KCNIP4: variants seen among roughly 807,000 people sequenced by gnomAD.
KCNIP4 encodes Kv channel-interacting protein 4.
In KCNIP4, 12 loss-of-function variants were observed where a neutral mutation model predicts 34.0. That is an observed-to-expected ratio of 0.35 (90% confidence interval 0.23 to 0.57). The LOEUF is 0.57. KCNIP4 is among the 20% of genes least tolerant of loss of function. The probability of loss-of-function intolerance (pLI) is 0.83; values close to 1 mark genes in which losing one functional copy is unlikely to be tolerated. For missense variants in KCNIP4, 238 were observed against 311.7 expected (o/e 0.76, Z 1.78); for synonymous variants, 124 against 102.2 (o/e 1.21, Z -1.29).
At chr4:21,892,305 C>T (rs910273224) in intron 1 of KCNIP4, among the ~76,000 whole-genome samples, 2 of 146,568 alleles carry the variant, frequency 1.4e-5, no homozygotes, top group African/African-American at 5.2e-5. Flanking sequence ...TATTAGGTGA[C>T]TCGATTTATC....
intron 1 of KCNIP4, among the ~76,000 whole-genome samples, chr4:21,481,098 G>T (rs541536305): frequency 3.2e-4 from 49 of 152,262 alleles, no homozygotes; most frequent in African/African-American, 1.1e-3. Flanking sequence ...TAACACAACG[G>T]TTATCTGGAA....
intron 1 of KCNIP4, among the ~76,000 whole-genome samples, chr4:21,837,321 G>A (rs990156376): frequency 6.7e-6 from 1 of 150,340 alleles, no homozygotes; most frequent in Non-Finnish European, 1.5e-5. Flanking sequence ...ATCACCTGAG[G>A]TCAGGAGTTC....
chr4:21,600,920 G>C (rs1743072523), intron 1 of KCNIP4, among the ~76,000 whole-genome samples: 1 of 151,692 alleles, frequency 6.6e-6, no homozygotes. Flanking sequence ...ATCCCACAAA[G>C]ACACCAAATC....
At chr4:21,761,853 C>G (rs924716232) in intron 1 of KCNIP4, among the ~76,000 whole-genome samples, 2 of 152,014 alleles carry the variant, frequency 1.3e-5, no homozygotes, top group Non-Finnish European at 1.5e-5. Context: ...TGATGCGGAA[C>G]AGGAAGTCCT....
At chr4:21,371,321 G>A (rs1453003340) in intron 1 of KCNIP4, among the ~76,000 whole-genome samples, 2 of 146,528 alleles carry the variant, frequency 1.4e-5, no homozygotes, top group Non-Finnish European at 2.9e-5. Flanking sequence ...TAGGCAAGAA[G>A]GTCAACAGTA....
At chr4:21,472,704 G>T (rs144705097) in intron 1 of KCNIP4, among the ~76,000 whole-genome samples, 2 of 152,092 alleles carry the variant, frequency 1.3e-5, no homozygotes, top group African/African-American at 4.8e-5. Context: ...CGCAGTTCAG[G>T]TTATCGGTAA....
chr4:21,716,402 C>T (rs1714382833), intron 1 of KCNIP4, among the ~76,000 whole-genome samples: 1 of 151,828 alleles, frequency 6.6e-6, no homozygotes. Context: ...GTATCTGGCT[C>T]ATTTTTTGTA....
chr4:21,532,105 A>C (rs1463381623), intron 1 of KCNIP4, among the ~76,000 whole-genome samples: 1 of 152,138 alleles, frequency 6.6e-6, no homozygotes, highest in Non-Finnish European at 1.5e-5. Context: ...GTCTTGGAAC[A>C]CTTAACTGCA....
chr4:20,986,971 CT>C (rs1338951960), intron 1 of KCNIP4, among the ~76,000 whole-genome samples: 1 of 152,150 alleles, frequency 6.6e-6, no homozygotes, highest in Admixed American at 6.5e-5. Flanking sequence ...ATCGAATCTG[CT>C]GGCTCCCAAG....
chr4:21,504,475 A>AAAAAAAAAAAAAAAAAGAAAGAAAG (rs1264431211), intron 1 of KCNIP4, among the ~76,000 whole-genome samples: 44 of 101,846 alleles, frequency 4.3e-4, no homozygotes, highest in African/African-American at 1.6e-3. Context: ...CAAAAAAAAA[A>AAAAAAAAAAAAAAAAAGAAAGAAAG]AAAGAAAGAA....
chr4:20,944,431 C>T (rs1167862690), intron 1 of KCNIP4, among the ~76,000 whole-genome samples: 1 of 152,204 alleles, frequency 6.6e-6, no homozygotes, highest in Admixed American at 6.5e-5. Flanking sequence ...TGATTACACA[C>T]CCCTCCATGA....
At chr4:21,304,069 CAGAGAG>C (rs1276234904) in intron 1 of KCNIP4, 6 of 138,114 alleles carry the variant, frequency 4.3e-5, no homozygotes, top group Non-Finnish European at 6.8e-5. Context: ...GAGAGAGAGA[CAGAGAG>C]AGAGAGAGAG....
intron 1 of KCNIP4, among the ~76,000 whole-genome samples, chr4:21,387,885 G>A (rs1039330767): frequency 8.5e-5 from 13 of 152,186 alleles, no homozygotes; most frequent in African/African-American, 3.1e-4. Context: ...CAGGTGTGGT[G>A]CTAAGCAGTT....
intron 1 of KCNIP4, among the ~76,000 whole-genome samples, chr4:21,239,880 A>T (rs1191006230): frequency 6.6e-6 from 1 of 152,142 alleles, no homozygotes; most frequent in Admixed American, 6.5e-5. Flanking sequence ...CTGGGTATAT[A>T]CCCAAAGGAC....
At chr4:21,801,231 C>T (rs34226435) in intron 1 of KCNIP4, among the ~76,000 whole-genome samples, 58,181 of 151,984 alleles carry the variant, frequency 0.38, 12,667 homozygotes, top group Non-Finnish European at 0.51. Flanking sequence ...GACACGTAAT[C>T]TTTTTAAATT....
rs1321751637 is a variant in KCNIP4, at chr4:20,729,596, TCC to T, written c.*484_*485del. 6.6e-6 allele frequency: 1 copy of T among 151,588 alleles called. No individual in the cohort carries two copies. Among genetic ancestry groups the T allele is most frequent in the African/African-American group, 2.4e-5 (1 of 41,258 alleles). The allele number at this position is 151,588 out of a possible 1,614,324, so 9.4% of individuals were successfully genotyped here. ...TTTTTTTAATTGTTGTAATCTTGTT[TCC>T]TTAAAGTATATAAATGGAATTTAAA... On this transcript the variant is annotated 3_prime_UTR_variant, in exon 9 of 9. Transcript: ENST00000382152.
At chr4:21,663,807 A>G (rs1254503347) in intron 1 of KCNIP4, among the ~76,000 whole-genome samples, 1 of 152,238 alleles carries the variant, frequency 6.6e-6, no homozygotes, top group Non-Finnish European at 1.5e-5. Context: ...TACAGCTTCC[A>G]AAATCTCATT....
chr4:21,836,112 T>G (rs545932055), intron 1 of KCNIP4, among the ~76,000 whole-genome samples: 3 of 152,206 alleles, frequency 2.0e-5, no homozygotes, highest in Non-Finnish European at 4.4e-5. Context: ...ACCCCTAAAT[T>G]ACCTGCAATG....
chr4:20,986,582 G>A (rs1736598337), intron 1 of KCNIP4, among the ~76,000 whole-genome samples: 2 of 152,172 alleles, frequency 1.3e-5, no homozygotes, highest in African/African-American at 4.8e-5. Context: ...AACAACTAAA[G>A]TACTGAGAGG....
Sources: allele counts gnomAD v4.1 joint callset (sites outside exome capture counted in the v4.1 genomes callset), GRCh38; gene constraint gnomAD v4.1.1; transcripts MANE v1.5; gene names NCBI Gene and HGNC (gene_info 2026-07-23, HGNC 2026-07-21).